The following ANKS1A variants were observed in gnomAD, a reference collection of about 807,000 sequenced individuals.
ANKS1A encodes ankyrin repeat and sterile alpha motif domain containing 1A.
A neutral mutation model predicts 120.3 loss-of-function variants in ANKS1A; 55 were observed. The ratio of observed to expected loss-of-function variants is 0.46; its 90% CI spans 0.37 to 0.57. ANKS1A has a LOEUF of 0.57. ANKS1A is among the 20% of genes least tolerant of loss of function. The pLI is 0.00. For synonymous variants in ANKS1A, 590 were observed against 604.7 expected (o/e 0.98, Z 0.36); for missense variants, 1,123 against 1,480.3 (o/e 0.76, Z 3.96).
Position 35,079,893 on chromosome 6 carries a change from C to G in ANKS1A, c.2509C>G (p.Pro837Ala). The G allele has an allele frequency of 1.3e-6, 2 of 1,560,746 alleles. No individual in the cohort carries two copies. Among genetic ancestry groups the G allele is most frequent in the South Asian group, 2.4e-5 (2 of 84,752 alleles). Reference sequence around the variant, plus strand: ...CCTCGCAGACAGACCGTACGAGGAGCCGCCCCAGAAGCCCCCCAGATTCTC... The same window carrying G: ...CCTCGCAGACAGACCGTACGAGGAGGCGCCCCAGAAGCCCCCCAGATTCTC... ...ASLADRPYEEPPQKPPRFSQL... is the reference protein window; with the variant it reads ...ASLADRPYEEAPQKPPRFSQL... Residue 837 changes from proline to alanine, a missense_variant, in exon 16 of 24, where the codon CCG (proline) becomes GCG (alanine). Pro to Ala is a conservative substitution (Grantham distance 27). Around this residue, in one of 3 missense-constraint regions of ANKS1A, gnomAD observed 904 missense variants for 1,130.4 expected, o/e 0.80. Transcript: ENST00000360359.
At chr6:34,996,672 C>T (rs551374145) in intron 10 of ANKS1A, among the ~76,000 whole-genome samples, 2 of 152,306 alleles carry the variant, frequency 1.3e-5, no homozygotes, top group South Asian at 2.1e-4. Context: ...AGGGTTTCAC[C>T]ATGTTGGCCA....
chr6:35,080,046 A>G, intron 16 of ANKS1A, 118 bp downstream of exon 16: 1 of 1,168,278 alleles, frequency 8.6e-7, no homozygotes, highest in Non-Finnish European at 1.2e-6. Flanking sequence ...CAGCTCCAAC[A>G]AGAAGAGAGG....
intron 11 of ANKS1A, among the ~76,000 whole-genome samples, chr6:35,019,490 T>C (rs1774213161): frequency 6.6e-6 from 1 of 152,166 alleles, no homozygotes; most frequent in Admixed American, 6.5e-5. Context: ...CTTAAGATTC[T>C]GATTAGGCAG....
intron 8 of ANKS1A, among the ~76,000 whole-genome samples, chr6:34,987,208 T>G (rs1278007299): frequency 6.6e-6 from 1 of 152,194 alleles, no homozygotes; most frequent in Non-Finnish European, 1.5e-5. Flanking sequence ...ATGGATGGTA[T>G]GTGTAAATCA....
chr6:35,037,532 T>G (rs1345241185), intron 11 of ANKS1A, among the ~76,000 whole-genome samples: 1 of 152,202 alleles, frequency 6.6e-6, no homozygotes, highest in Admixed American at 6.5e-5. Flanking sequence ...AGGTTACCCC[T>G]TGGGCCGTGG....
At chr6:35,045,165 CTG>C (rs908014788) in intron 11 of ANKS1A, among the ~76,000 whole-genome samples, 12 of 152,352 alleles carry the variant, frequency 7.9e-5, no homozygotes, top group African/African-American at 2.9e-4. Context: ...TACACCAAAA[CTG>C]TGTCTTTTAG....
At chr6:35,067,912 C>T (rs1321848661) in intron 13 of ANKS1A, among the ~76,000 whole-genome samples, 5 of 111,478 alleles carry the variant, frequency 4.5e-5, no homozygotes, top group Non-Finnish European at 5.3e-5. Context: ...TTTTTTGAGA[C>T]GGAGTTTCGC....
In ANKS1A at chr6:35,054,386, A is replaced by T. The variant is rs994033608; in HGVS notation, c.2077+221A>T. 9.8e-5 allele frequency among the ~76,000 whole-genome samples: 15 copies of T among 152,330 alleles called. No individual in the cohort carries two copies. In the South Asian group the frequency reaches 3.1e-3, roughly 32 times the overall value. ...TTTTACATATGGGAGGGGAAAAGGG[A>T]CAAAATGAATTTTAAGCTGCCTATT... On this transcript the variant is annotated intron_variant, in intron 12 of 23. Coordinates refer to ENST00000360359, the MANE Select transcript of ANKS1A (RefSeq NM_015245.3).
chr6:35,041,720 C>A lies in ANKS1A; in HGVS notation c.2011-12379C>A, dbSNP rs188484652. Among the ~76,000 whole-genome samples the A allele has an allele frequency of 4.5e-3, 684 of 152,288 alleles. 6 individuals are homozygous for A. Among genetic ancestry groups the A allele is most frequent in the Middle Eastern group, 0.027 (8 of 294 alleles). ...CAATGGATTTTCTCAGGAGTCCTCA[C>A]ACTACCAGCCCAACAAGAAGCCAGG... On this transcript the variant is annotated intron_variant, in intron 11 of 23. Coordinates refer to ENST00000360359, the MANE Select transcript of ANKS1A (RefSeq NM_015245.3).
rs56047826 is a variant in ANKS1A at position 35,085,146 on chromosome 6, G to A, written c.3133-620G>A. 6.6e-6 allele frequency among the ~76,000 whole-genome samples: 1 copy of A among 152,164 alleles called. No homozygotes were observed. Among genetic ancestry groups the A allele is most frequent in the Non-Finnish European group, 1.5e-5 (1 of 68,034 alleles). ...GCTTTGCTGCTTGCTGGCTGTGTGA[G>A]CTTGGAAACATCGCATCTGCCTGCT... On this transcript the variant is annotated intron_variant, in intron 21 of 23. Coordinates refer to ENST00000360359, the MANE Select transcript of ANKS1A (RefSeq NM_015245.3). This position sits in a 1 kb window ranked among gnomAD's most constrained non-coding sequence, Gnocchi z 4.7.
In ANKS1A at chr6:35,073,819, C is replaced by G. The variant is rs576320855; in HGVS notation, c.2185-4739C>G. ...TTTCTAAAAGCCAGTGGTCCCTTCT[C>G]CCTGAGTAAAGAGGGTGTGGTAACT... On this transcript the variant is annotated intron_variant, in intron 13 of 23. Transcript: ENST00000360359. Among the ~76,000 whole-genome samples the G allele has an allele frequency of 2.6e-5, 4 of 152,330 alleles. No homozygotes were observed. In the East Asian group the frequency reaches 5.8e-4, roughly 22 times the overall value.
chr6:35,052,123 C>T (rs1435738067), intron 11 of ANKS1A, among the ~76,000 whole-genome samples: 1 of 151,804 alleles, frequency 6.6e-6, no homozygotes, highest in Non-Finnish European at 1.5e-5. Flanking sequence ...GAAACCAGCC[C>T]AGGCAACATA....
intron 10 of ANKS1A, among the ~76,000 whole-genome samples, chr6:35,007,492 G>A (rs896414805): frequency 2.0e-5 from 3 of 152,198 alleles, no homozygotes; most frequent in African/African-American, 7.2e-5. Flanking sequence ...GTTTTGTATA[G>A]CGTAGTCATT....
intron 8 of ANKS1A, among the ~76,000 whole-genome samples, chr6:34,986,002 A>G (rs964708381): frequency 6.6e-6 from 1 of 152,214 alleles, no homozygotes; most frequent in African/African-American, 2.4e-5. Flanking sequence ...CAGGCAATAC[A>G]CCTAACCTAC....
chr6:35,074,078 A>G (rs12110664), intron 13 of ANKS1A, among the ~76,000 whole-genome samples: 4,681 of 152,284 alleles, frequency 0.031, 97 homozygotes, highest in African/African-American at 0.058. Flanking sequence ...CTGCTGGCCA[A>G]GGTCTGGTTA....
intron 13 of ANKS1A, among the ~76,000 whole-genome samples, chr6:35,066,773 T>C (rs577031531): frequency 1.4e-4 from 22 of 152,192 alleles, no homozygotes; most frequent in Non-Finnish European, 2.9e-4. Flanking sequence ...GGGTATGGGA[T>C]AGGAAAGCAG....
chr6:34,984,499 C>G (rs909077143), intron 7 of ANKS1A, among the ~76,000 whole-genome samples: 3 of 152,102 alleles, frequency 2.0e-5, no homozygotes, highest in Non-Finnish European at 2.9e-5. Context: ...ATTAGTAGTT[C>G]ACTAACCTCT....
intron 1 of ANKS1A, among the ~76,000 whole-genome samples, chr6:34,899,766 A>C (rs1016335410): frequency 3.3e-5 from 5 of 152,234 alleles, no homozygotes; most frequent in Admixed American, 2.0e-4. Context: ...GGCTTTGCTC[A>C]TAACTATCCA....
At chr6:34,906,160 A>C (rs1030072935) in intron 1 of ANKS1A, among the ~76,000 whole-genome samples, 4 of 151,836 alleles carry the variant, frequency 2.6e-5, no homozygotes, top group African/African-American at 9.7e-5. Flanking sequence ...AATGGGTGGC[A>C]GGGGGCAGTG....
Sources: allele counts gnomAD v4.1 joint callset (sites outside exome capture counted in the v4.1 genomes callset), GRCh38; gene constraint gnomAD v4.1.1; regional missense constraint gnomAD v4.1.1; non-coding constraint Gnocchi (gnomAD v3.1); transcripts MANE v1.5; gene names NCBI Gene and HGNC (gene_info 2026-07-23, HGNC 2026-07-21).